The following EFCAB11 variants were observed in gnomAD, a reference collection of about 807,000 sequenced individuals.
EFCAB11 encodes EF-hand calcium binding domain 11.
EFCAB11 carries 14 observed loss-of-function variants against 23.0 expected under a neutral mutation model. The observed-to-expected ratio is 0.61, with a 90% CI of 0.40 to 0.95. EFCAB11 has a LOEUF of 0.95. EFCAB11 is among the 40% of genes least tolerant of loss of function. The pLI is 0.00. For synonymous variants in EFCAB11, 65 were observed against 66.6 expected (o/e 0.98, Z 0.11); for missense variants, 198 against 195.8 (o/e 1.01, Z -0.07).
At chr14:89,828,572 C>A (rs771170014) in intron 5 of EFCAB11, among the ~76,000 whole-genome samples, 1 of 152,098 alleles carries the variant, frequency 6.6e-6, no homozygotes, top group Non-Finnish European at 1.5e-5. Flanking sequence ...TGTTGACATG[C>A]TAAAAACATA....
Position 89,923,991 on chromosome 14 carries a change from G to C in EFCAB11, c.410+7550C>G, listed in dbSNP as rs940215575. On this transcript the variant is annotated intron_variant, in intron 5 of 5. Coordinates refer to ENST00000316738, the MANE Select transcript of EFCAB11 (RefSeq NM_145231.4). ...CTCTTCCAATCAGCATAACAGAAGA[G>C]CCTATTTGTTTTACCCAAGCTGGTG... 3 of 944,318 alleles carry C rather than the reference G, an allele frequency of 3.2e-6. No homozygotes were observed. In the African/African-American group the frequency reaches 8.7e-5, roughly 27 times the overall value. The allele number at this position is 944,318 out of a possible 1,614,324, so 58.5% of individuals were successfully genotyped here. A position where few individuals can be genotyped will look rare whatever the true frequency, so the allele number is the denominator to read the frequency against.
At chr14:89,861,422 A>C (rs561461960) in intron 5 of EFCAB11, among the ~76,000 whole-genome samples, 53 of 152,348 alleles carry the variant, frequency 3.5e-4, no homozygotes, top group African/African-American at 1.3e-3. Context: ...CTCATCACTT[A>C]AGCCTCGGTC....
intron 5 of EFCAB11, among the ~76,000 whole-genome samples, chr14:89,842,260 G>C (rs1162482710): frequency 1.3e-5 from 2 of 152,180 alleles, no homozygotes; most frequent in African/African-American, 4.8e-5. Context: ...CCTGCCTCTA[G>C]ACATCCATTC....
At position 89,864,767 on chromosome 14, in the gene EFCAB11, T is replaced by A. The variant is rs533763208; in HGVS notation, c.410+66774A>T. Among the ~76,000 whole-genome samples, 537 of 152,308 alleles carry A rather than the reference T, an allele frequency of 3.5e-3. 4 individuals are homozygous for A. The highest frequency in any genetic ancestry group is 0.012 in the African/African-American group (514 of 41,562). On this transcript the variant is annotated intron_variant, in intron 5 of 5. Transcript: ENST00000316738. ...TTTCTTTAATATTAAATTAACAGAC[T>A]AAATACTTAAAATACAAATATCCCT...
At chr14:89,929,411 G>A (rs957179500) in intron 5 of EFCAB11, among the ~76,000 whole-genome samples, 1 of 152,106 alleles carries the variant, frequency 6.6e-6, no homozygotes, top group Non-Finnish European at 1.5e-5. Flanking sequence ...TTTTGAGACA[G>A]AGTCTCACTC....
rs909234626 is a variant in EFCAB11, at chr14:89,954,007, G to A, written c.76-6C>T. On this transcript the variant is annotated splice_region_variant and splice_polypyrimidine_tract_variant and intron_variant, in intron 1 of 5. Transcript: ENST00000316738. ...TCATCACATGCTTTAAATACCTGAA[G>A]AACATTAAATAGCTTTAGTTAATGA... is the stretch of plus-strand genomic sequence containing the variant. 2.5e-6 allele frequency: 4 copies of A among 1,608,278 alleles called. No individual in the cohort carries two copies. The African/African-American group carries it at 4.0e-5, about 16-fold the overall frequency.
chr14:89,929,678 G>A (rs935066207), intron 5 of EFCAB11, among the ~76,000 whole-genome samples: 2 of 152,196 alleles, frequency 1.3e-5, no homozygotes, highest in Non-Finnish European at 2.9e-5. Flanking sequence ...GAGCCACCAT[G>A]CCTGGCCAGG....
At chr14:89,913,005 C>T (rs1008804679) in intron 5 of EFCAB11, among the ~76,000 whole-genome samples, 14 of 152,194 alleles carry the variant, frequency 9.2e-5, no homozygotes, top group African/African-American at 3.4e-4. Context: ...ACAATGAGGT[C>T]ATTTTTAGTG....
chr14:89,820,504 A>C (rs1886477646), intron 5 of EFCAB11, among the ~76,000 whole-genome samples: 1 of 151,480 alleles, frequency 6.6e-6, no homozygotes, highest in Non-Finnish European at 1.5e-5. Flanking sequence ...CTACCATCTC[A>C]GTGCTGCACA....
chr14:89,827,572 G>A (rs899101969), intron 5 of EFCAB11, among the ~76,000 whole-genome samples: 10 of 151,654 alleles, frequency 6.6e-5, no homozygotes, highest in African/African-American at 2.4e-4. Context: ...ACAGTTGAAG[G>A]ACCAACATGC....
chr14:89,849,684 G>T lies in EFCAB11; in HGVS notation c.411-52360C>A, dbSNP rs145619580. Among the ~76,000 whole-genome samples, 532 of 115,890 alleles carry T rather than the reference G, an allele frequency of 4.6e-3. 7 individuals carry two copies. Among genetic ancestry groups the T allele is most frequent in the African/African-American group, 0.016 (495 of 30,324 alleles). 76.0% of individuals were successfully genotyped at this position (115,890 alleles called of 152,430 possible). The stretch of plus-strand genomic sequence containing the variant: ...ACCTGTTCATTATTATAATCAATTT[G>T]GGACAAGGATTACTGGCTGACTATT... On this transcript the variant is annotated intron_variant, in intron 5 of 5. Coordinates refer to ENST00000316738, the MANE Select transcript of EFCAB11 (RefSeq NM_145231.4).
At chr14:89,807,267 T>C (rs1198775200) in intron 5 of EFCAB11, among the ~76,000 whole-genome samples, 1 of 152,228 alleles carries the variant, frequency 6.6e-6, no homozygotes, top group Non-Finnish European at 1.5e-5. Context: ...ACAGGCTTTT[T>C]ACAGTACAAG....
At chr14:89,806,326 T>C (rs762505408) in intron 5 of EFCAB11, among the ~76,000 whole-genome samples, 3 of 152,198 alleles carry the variant, frequency 2.0e-5, no homozygotes, top group Non-Finnish European at 2.9e-5. Flanking sequence ...TGTGGATAAA[T>C]GCAATCAACA....
chr14:89,870,767 T>TA (rs56920547), intron 5 of EFCAB11, among the ~76,000 whole-genome samples: 26 of 102,948 alleles, frequency 2.5e-4, no homozygotes, highest in South Asian at 7.0e-4. Context: ...TCATCTCTAC[T>TA]AAAAAAAAAA....
At chr14:89,850,358 C>T (rs1417692694) in intron 5 of EFCAB11, among the ~76,000 whole-genome samples, 1 of 152,234 alleles carries the variant, frequency 6.6e-6, no homozygotes, top group East Asian at 1.9e-4. Flanking sequence ...TGTTTCTAGA[C>T]TGTGCGACCC....
In EFCAB11 at chr14:89,891,707, G is replaced by A. The variant is rs564444558; in HGVS notation, c.410+39834C>T. ...CACAAACACACACACACACACGCAC[G>A]CGCACACGCACACACCACCCTAAGT... is the stretch of plus-strand genomic sequence containing the variant. On this transcript the variant is annotated intron_variant, in intron 5 of 5. Transcript: ENST00000316738. Among the ~76,000 whole-genome samples, 25 of 152,008 alleles carry A rather than the reference G, an allele frequency of 1.6e-4. No individual in the cohort carries two copies. The East Asian group carries it at 4.6e-3, about 28-fold the overall frequency.
At chr14:89,880,083 CT>C (rs1311998328) in intron 5 of EFCAB11, among the ~76,000 whole-genome samples, 1 of 152,150 alleles carries the variant, frequency 6.6e-6, no homozygotes, top group East Asian at 1.9e-4. Context: ...TTAGTATTTA[CT>C]GTATGACTCG....
At chr14:89,898,452 C>T (rs1436954753) in intron 5 of EFCAB11, among the ~76,000 whole-genome samples, 1 of 152,064 alleles carries the variant, frequency 6.6e-6, no homozygotes, top group Non-Finnish European at 1.5e-5. Context: ...GCAACCTCCA[C>T]CTGCCAGCTT....
chr14:89,921,654 G>A (rs1004040860), intron 5 of EFCAB11, among the ~76,000 whole-genome samples: 5 of 152,140 alleles, frequency 3.3e-5, no homozygotes, highest in East Asian at 1.9e-4. Flanking sequence ...GGAGGAGAAC[G>A]ATGGGGTAGG....
Sources: allele counts gnomAD v4.1 joint callset (sites outside exome capture counted in the v4.1 genomes callset), GRCh38; gene constraint gnomAD v4.1.1; transcripts MANE v1.5; gene names NCBI Gene and HGNC (gene_info 2026-07-23, HGNC 2026-07-21).